The following DYSF variants were observed in gnomAD, a reference collection of about 807,000 sequenced individuals.
DYSF encodes the protein dysferlin, also known as dystrophy-associated fer-1-like 1.
Under a neutral mutation model 274.9 loss-of-function variants are expected in DYSF, and 212 were observed. The ratio of observed to expected loss-of-function variants is 0.77; its 90% CI spans 0.69 to 0.86. The LOEUF (loss-of-function observed/expected upper bound fraction) is 0.86. Among genes scored for constraint, DYSF ranks in the 40% least tolerant of loss-of-function variants. The pLI is 0.00. For synonymous variants in DYSF, 1,091 were observed against 1,078.7 expected (o/e 1.01, Z -0.22); for missense variants, 2,666 against 2,783.2 (o/e 0.96, Z 0.95).
chr2:71,647,924 G>A (rs933096227), intron 42 of DYSF, among the ~76,000 whole-genome samples: 1 of 152,186 alleles, frequency 6.6e-6, no homozygotes, highest in African/African-American at 2.4e-5. Flanking sequence ...TTGGAGACAG[G>A]TTGAAGCTGA....
At chr2:71,675,905 T>C (rs1450022028) in intron 52 of DYSF, among the ~76,000 whole-genome samples, 1 of 152,174 alleles carries the variant, frequency 6.6e-6, no homozygotes, top group African/African-American at 2.4e-5. Context: ...TGTATATGAA[T>C]GGATTTCTAT....
At chr2:71,555,653 G>A (rs931510367) in intron 21 of DYSF, among the ~76,000 whole-genome samples, 4 of 152,184 alleles carry the variant, frequency 2.6e-5, no homozygotes, top group African/African-American at 7.2e-5. Context: ...AGCCAGGCCT[G>A]GTTTGAGGTA....
In DYSF at chr2:71,646,023, A is replaced by G. The variant is rs150336029; in HGVS notation, c.4626+1960A>G. 3.3e-4 allele frequency among the ~76,000 whole-genome samples: 50 copies of G among 152,322 alleles called. 1 individual carries two copies. Among genetic ancestry groups the G allele is most frequent in the Admixed American group, 9.1e-4 (14 of 15,304 alleles). ...GTCTCTGCTAGGCACTCTGGAGGGC[A>G]GTTTCACCAGTCAGCAAAAGTTGTC... On this transcript the variant is annotated intron_variant, in intron 42 of 55. Coordinates refer to ENST00000410020, the MANE Select transcript of DYSF (RefSeq NM_001130987.2).
chr2:71,657,331 G>C (rs1487458519), intron 43 of DYSF, among the ~76,000 whole-genome samples: 1 of 152,134 alleles, frequency 6.6e-6, no homozygotes, highest in Non-Finnish European at 1.5e-5. Context: ...TGGCTTTGCA[G>C]GGTACAGGCT....
chr2:71,511,703 A>AGGCAAACCT (rs2152728381), intron 4 of DYSF, 104 bp from the exon 5 acceptor site: 2 of 799,550 alleles, frequency 2.5e-6, no homozygotes, highest in Non-Finnish European at 4.3e-6. Context: ...CTCTTGTCAG[A>AGGCAAACCT]GCCATATTCC....
chr2:71,661,882 C>T (rs2094887818), intron 45 of DYSF, among the ~76,000 whole-genome samples: 1 of 152,132 alleles, frequency 6.6e-6, no homozygotes, highest in South Asian at 2.1e-4. Context: ...TGAGCTCCCA[C>T]CAAGCAGGGA....
At chr2:71,626,415 A>G (rs1372635919) in intron 41 of DYSF, among the ~76,000 whole-genome samples, 1 of 143,418 alleles carries the variant, frequency 7.0e-6, no homozygotes, top group Admixed American at 7.4e-5. Context: ...GAATTACATT[A>G]ATATATAATA....
intron 32 of DYSF, among the ~76,000 whole-genome samples, chr2:71,597,121 T>C (rs1380808647): frequency 2.0e-5 from 3 of 152,234 alleles, no homozygotes; most frequent in Admixed American, 2.0e-4. Context: ...GCGGAAGCCC[T>C]GTCTCCCCAT....
chr2:71,579,772 CCAAT>C (rs2092826236), intron 30 of DYSF, among the ~76,000 whole-genome samples: 1 of 152,150 alleles, frequency 6.6e-6, no homozygotes, highest in African/African-American at 2.4e-5. Flanking sequence ...ATTTGATTCC[CCAAT>C]CAGACAGGCC....
intron 1 of DYSF, among the ~76,000 whole-genome samples, chr2:71,455,635 A>G (rs1035753174): frequency 3.9e-5 from 6 of 152,184 alleles, no homozygotes; most frequent in African/African-American, 1.4e-4. Context: ...AGGGGGCACC[A>G]TTCATACTGT....
intron 29 of DYSF, among the ~76,000 whole-genome samples, chr2:71,571,236 C>T (rs566732185): frequency 4.0e-5 from 6 of 149,214 alleles, no homozygotes; most frequent in Admixed American, 4.0e-4. Flanking sequence ...TCAGCACACA[C>T]AGATCACACC....
chr2:71,640,552 C>T (rs1178200039), intron 41 of DYSF, among the ~76,000 whole-genome samples: 3 of 152,152 alleles, frequency 2.0e-5, no homozygotes, highest in African/African-American at 7.2e-5. Context: ...GGTGGCTGGC[C>T]AGTAGGCCAT....
chr2:71,636,078 G>A (rs1250081111), intron 41 of DYSF, among the ~76,000 whole-genome samples: 2 of 152,176 alleles, frequency 1.3e-5, no homozygotes, highest in Non-Finnish European at 2.9e-5. Flanking sequence ...GAAGTGTTCA[G>A]GACCAGGAAG....
chr2:71,586,384 G>T (rs759320642), intron 30 of DYSF, among the ~76,000 whole-genome samples: 1 of 152,130 alleles, frequency 6.6e-6, no homozygotes, highest in African/African-American at 2.4e-5. Flanking sequence ...CACTTGGGTG[G>T]CAGATGGGGT....
Position 71,515,733 on chromosome 2 carries a change from C to G in DYSF, c.870C>G (p.Asn290Lys), listed in dbSNP as rs766315212. Residue 290 changes from asparagine to lysine, a missense_variant, in exon 8 of 56, where the codon AAC becomes AAG. Around this residue, in one of 3 missense-constraint regions of DYSF, gnomAD observed 794 missense variants for 777.1 expected, o/e 1.02. Transcript: ENST00000410020. ...QTKRTRIHKG[N>K]SPLFNETLFF... ...AGCGGACGCGGATCCACAAGGGAAA[C>G]AGCCCACTCTTCAATGAGGTGGGAG... is the stretch of plus-strand genomic sequence containing the variant. The G allele has an allele frequency of 1.2e-6, 2 of 1,614,196 alleles. No homozygotes were observed. Among genetic ancestry groups the G allele is most frequent in the East Asian group, 2.2e-5 (1 of 44,874 alleles).
chr2:71,502,919 G>A (rs2085129479), intron 3 of DYSF, among the ~76,000 whole-genome samples: 1 of 152,148 alleles, frequency 6.6e-6, no homozygotes, highest in East Asian at 1.9e-4. Context: ...TCATCTCTGG[G>A]GAGGCGTGGC....
chr2:71,500,802 G>A (rs1443322592), intron 3 of DYSF, among the ~76,000 whole-genome samples: 1 of 152,048 alleles, frequency 6.6e-6, no homozygotes, highest in Non-Finnish European at 1.5e-5. Context: ...CAGTCCCCAA[G>A]GAGAGAAGCC....
chr2:71,640,367 A>AT (rs1392438046), intron 41 of DYSF, among the ~76,000 whole-genome samples: 13 of 152,058 alleles, frequency 8.5e-5, no homozygotes, highest in Admixed American at 7.2e-4. Flanking sequence ...TTAAACATCC[A>AT]TTTTTTGTTT....
intron 3 of DYSF, among the ~76,000 whole-genome samples, chr2:71,494,139 A>G (rs554394941): frequency 1.3e-5 from 2 of 151,768 alleles, no homozygotes; most frequent in East Asian, 2.0e-4. Context: ...CCCTCTCTTC[A>G]TGGCCTTCCT....
Sources: gnomAD v4.1 joint callset for allele counts (sites outside exome capture counted in the v4.1 genomes callset) on GRCh38, gnomAD v4.1.1 for gene constraint, gnomAD v4.1.1 regional missense constraint, MANE v1.5 for transcripts, NCBI Gene and HGNC (gene_info 2026-07-23, HGNC 2026-07-21) for gene names.